LAMB4: variants seen among roughly 807,000 people sequenced by gnomAD.
The protein encoded by LAMB4 is laminin subunit beta 4.
A neutral mutation model predicts 199.2 loss-of-function variants in LAMB4; 196 were observed. The ratio of observed to expected loss-of-function variants is 0.98; its 90% CI spans 0.88 to 1.11. The LOEUF is 1.11. Ranked by LOEUF, LAMB4 falls within the 50% of genes least tolerant of loss-of-function variation. LAMB4 has a pLI of 0.00. For synonymous variants in LAMB4, 744 were observed against 770.6 expected, an observed-to-expected ratio of 0.97 and a Z score of 0.57; for missense variants, 2,080 against 2,171.2, an observed-to-expected ratio of 0.96 and a Z score of 0.83.
At chr7:108,014,462 G>C in the LAMB4 span, among the ~76,000 whole-genome samples, 1 of 150,544 alleles carries the variant, frequency 6.6e-6, no homozygotes, top group Non-Finnish European at 1.5e-5. Flanking sequence ...TGAGAAAGTT[G>C]TTTTTTTTTC....
In LAMB4 at chr7:108,042,404, C is replaced by G. The variant is rs574705337; in HGVS notation, c.4471+1348G>C. Among the ~76,000 whole-genome samples the G allele has an allele frequency of 9.9e-5, 15 of 151,608 alleles. No homozygotes were observed. The East Asian group carries it at 2.9e-3, about 29-fold the overall frequency. On this transcript the variant is annotated intron_variant, in intron 29 of 33. Coordinates refer to ENST00000388781, the MANE Select transcript of LAMB4 (RefSeq NM_007356.3). Reference sequence around the variant, plus strand: ...AGTAATAAGAGGACAGGCTCTATGACCCAGCAAACTAGATAGAAAGGAGGT... The same window carrying G: ...AGTAATAAGAGGACAGGCTCTATGAGCCAGCAAACTAGATAGAAAGGAGGT...
At position 108,034,312 on chromosome 7, in the gene LAMB4, T is replaced by C. The variant is rs749501707; in HGVS notation, c.4714A>G (p.Thr1572Ala). 1.2e-6 allele frequency: 2 copies of C among 1,611,930 alleles called. No individual in the cohort carries two copies. The highest frequency in any genetic ancestry group is 1.7e-6 in the Non-Finnish European group (2 of 1,178,000). ...TGAGCTTGTTGTAACTGGTTCAATG[T>C]TTTGTCAAGATTTAATAGAATATTT... ...AANILLNLDK[T>A]LNQLQQAQIT... is the part of the protein sequence containing the mutation. The change falls in exon 31 of 34, where the codon ACA becomes GCA. Residue 1572 changes from threonine (T) to alanine (A), a missense_variant. Transcript: ENST00000388781.
At chr7:108,079,335 C>G (rs914422248) in intron 15 of LAMB4, among the ~76,000 whole-genome samples, 1 of 152,182 alleles carries the variant, frequency 6.6e-6, no homozygotes, top group Admixed American at 6.5e-5. Context: ...TTTTCTTATA[C>G]AAACAGTCAC....
chr7:108,119,281 G>T (rs979719063), intron 2 of LAMB4, among the ~76,000 whole-genome samples: 16 of 152,196 alleles, frequency 1.1e-4, no homozygotes, highest in Non-Finnish European at 5.9e-5. Flanking sequence ...GAACTCTTGA[G>T]TATTTATCGC....
chr7:108,098,650 C>A (rs2037717399), intron 10 of LAMB4, 68 bp from the exon 11 acceptor site: 1 of 1,284,734 alleles, frequency 7.8e-7, no homozygotes, highest in East Asian at 2.4e-5. Context: ...ATAAGCACGG[C>A]ATTTTACTCA....
chr7:108,027,306 C>T (rs775936525), intron 33 of LAMB4, among the ~76,000 whole-genome samples: 9 of 151,988 alleles, frequency 5.9e-5, no homozygotes, highest in Admixed American at 1.3e-4. Context: ...AACATTTTAA[C>T]GAAAATACTT....
chr7:108,018,015 CTG>C, the LAMB4 span, among the ~76,000 whole-genome samples: 1 of 152,230 alleles, frequency 6.6e-6, no homozygotes, highest in South Asian at 2.1e-4. Flanking sequence ...CCTTGGTCCA[CTG>C]TGCCCATGCA....
chr7:108,083,514 T>A (rs1054225092), intron 14 of LAMB4, among the ~76,000 whole-genome samples: 2 of 152,168 alleles, frequency 1.3e-5, no homozygotes, highest in African/African-American at 4.8e-5. Flanking sequence ...CAAAACAAGT[T>A]CAGCCATGGT....
chr7:108,104,565 A>G lies in LAMB4; in HGVS notation c.925T>C (p.Cys309Arg). ...HNTDGPNCERCKDFFQDAPWR... is the reference protein window; with the variant it reads ...HNTDGPNCERRKDFFQDAPWR... ...GGAGCATCCTGGAAGAAGTCCTTGC[A>G]TCTCTCACAGTTCGGACCATCTGTA... The change falls in exon 9 of 34, where the codon TGC becomes CGC. Residue 309 changes from cysteine to arginine, a missense_variant. Transcript: ENST00000388781. The G allele has an allele frequency of 6.2e-7, 1 of 1,614,242 alleles. No individual in the cohort carries two copies. Among genetic ancestry groups the G allele is most frequent in the Non-Finnish European group, 8.5e-7 (1 of 1,180,038 alleles).
At position 108,042,062 on chromosome 7, in the gene LAMB4, G is replaced by C. The variant is rs143579420; in HGVS notation, c.4471+1690C>G. Among the ~76,000 whole-genome samples, 386 of 152,124 alleles carry C rather than the reference G, an allele frequency of 2.5e-3. 5 individuals are homozygous for C. The highest frequency in any genetic ancestry group is 9.0e-3 in the African/African-American group (374 of 41,524). On this transcript the variant is annotated intron_variant, in intron 29 of 33. Coordinates refer to ENST00000388781, the MANE Select transcript of LAMB4 (RefSeq NM_007356.3). ...CATTCAGATTTCAAGAAAAATATTA[G>C]GGTGGTCAAACAAGAGCTGAATAGT... is the stretch of plus-strand genomic sequence containing the variant.
At chr7:108,084,837 G>T (rs576004355) in intron 14 of LAMB4, among the ~76,000 whole-genome samples, 2 of 134,134 alleles carry the variant, frequency 1.5e-5, no homozygotes, top group South Asian at 2.3e-4. Flanking sequence ...TTGACCTCCT[G>T]GGCTCAAGTG....
At chr7:108,023,168 C>T (rs1584569202), downstream of LAMB4, among the ~76,000 whole-genome samples, 1 of 152,128 alleles carries the variant, frequency 6.6e-6, no homozygotes, top group Non-Finnish European at 1.5e-5. Context: ...GCAGATCTTC[C>T]TTTTTCATTT....
At chr7:108,078,173 A>G (rs1254311974) in intron 16 of LAMB4, 28 bp downstream of exon 16, 3 of 1,407,250 alleles carry the variant, frequency 2.1e-6, no homozygotes, top group Non-Finnish European at 2.0e-6. Context: ...AGAAGCTTTC[A>G]ATGTTTGAGG....
rs1218760105 is a variant in LAMB4 at position 108,039,974 on chromosome 7, A to G, written c.4472-2379T>C. 2.0e-5 allele frequency among the ~76,000 whole-genome samples: 3 copies of G among 152,176 alleles called. No homozygotes were observed. In the East Asian group the frequency reaches 5.8e-4, roughly 29 times the overall value. ...AAATAGGAAGAGAGGAAGTCAAACT[A>G]TCCCTGTTTGCAGATGGCATGATCT... is the stretch of plus-strand genomic sequence containing the variant. On this transcript the variant is annotated intron_variant, in intron 29 of 33. Transcript: ENST00000388781.
intron 31 of LAMB4, among the ~76,000 whole-genome samples, chr7:108,031,339 AAAAAAAAAG>A (rs1455406629): frequency 1.5e-3 from 206 of 138,766 alleles, no homozygotes; most frequent in African/African-American, 5.3e-3. Flanking sequence ...AACAAAAAAA[AAAAAAAAAG>A]AAAAAAAAGA....
intron 15 of LAMB4, among the ~76,000 whole-genome samples, chr7:108,078,959 T>C (rs1295135872): frequency 6.6e-6 from 1 of 152,196 alleles, no homozygotes; most frequent in Non-Finnish European, 1.5e-5. Flanking sequence ...TGGTCCCTAG[T>C]GGGGCTTGGG....
intron 21 of LAMB4, 130 bp downstream of exon 21, chr7:108,065,632 A>T: frequency 1.6e-6 from 1 of 626,480 alleles, no homozygotes; most frequent in Non-Finnish European, 2.6e-6. Context: ...GCTATTTATC[A>T]CATTGTGTCT....
At chr7:108,019,007 C>T (rs975565141), downstream of LAMB4, among the ~76,000 whole-genome samples, 22 of 152,090 alleles carry the variant, frequency 1.4e-4, no homozygotes, top group African/African-American at 3.9e-4. Context: ...TGGGGATAGC[C>T]GGCTCTCCAT....
At position 108,107,728 on chromosome 7, in the gene LAMB4, G is replaced by A. The variant is rs2038074844; in HGVS notation, c.494C>T (p.Thr165Ile). The A allele has an allele frequency of 1.2e-6, 2 of 1,613,798 alleles. No individual in the cohort carries two copies. Among genetic ancestry groups the A allele is most frequent in the African/African-American group, 1.3e-5 (1 of 75,026 alleles). The change falls in exon 6 of 34, where the codon ACT (threonine) becomes ATT (isoleucine). Residue 165 changes from threonine to isoleucine, a missense_variant. Coordinates refer to ENST00000388781, the MANE Select transcript of LAMB4 (RefSeq NM_007356.3). ...GCCAGATGTGATGTTAGGAAAGGAA[G>A]TGGCACAGTCTTTTGCAAAATATTT... ...VFKYFAKDCA[T>I]SFPNITSGQA...
Sources: allele counts gnomAD v4.1 joint callset (sites outside exome capture counted in the v4.1 genomes callset), GRCh38; gene constraint gnomAD v4.1.1; transcripts MANE v1.5; gene names NCBI Gene and HGNC (gene_info 2026-07-23, HGNC 2026-07-21).